Variants in WDR41 observed in about 807,000 individuals in gnomAD.
The protein encoded by WDR41 is WD repeat domain 41.
In WDR41, 63 loss-of-function variants were observed where a neutral mutation model predicts 69.3. The observed-to-expected ratio is 0.91, with a 90% CI of 0.74 to 1.12. WDR41 has a LOEUF of 1.12. Ranked by LOEUF, WDR41 falls within the 50% of genes most tolerant of loss-of-function variation. The pLI, the probability that WDR41 is intolerant of heterozygous loss-of-function variation, is 0.00. For synonymous variants in WDR41, 185 were observed against 192.1 expected (o/e 0.96, Z 0.31); for missense variants, 543 against 534.5 (o/e 1.02, Z -0.16).
intron 1 of WDR41, among the ~76,000 whole-genome samples, chr5:77,555,758 A>T (rs1743378455): frequency 1.3e-5 from 2 of 152,248 alleles, no homozygotes; most frequent in South Asian, 4.1e-4. Flanking sequence ...TAAATGAAGT[A>T]TAAATCTTAT....
At chr5:77,497,941 A>G (rs1272699414) in intron 1 of WDR41, among the ~76,000 whole-genome samples, 6 of 152,254 alleles carry the variant, frequency 3.9e-5, no homozygotes, top group African/African-American at 1.4e-4. Flanking sequence ...AATATATTCT[A>G]CAACATAGAT....
At chr5:77,488,560 C>A (rs1213715352) in intron 2 of WDR41, among the ~76,000 whole-genome samples, 4 of 144,520 alleles carry the variant, frequency 2.8e-5, no homozygotes, top group Non-Finnish European at 6.1e-5. Context: ...TGAAAAAAAA[C>A]AGCAAAGGCA....
chr5:77,562,344 T>C (rs1433924218), intron 1 of WDR41, among the ~76,000 whole-genome samples: 2 of 152,206 alleles, frequency 1.3e-5, no homozygotes, highest in East Asian at 3.9e-4. Flanking sequence ...ATACAAAGTT[T>C]TAAAACCTGC....
intron 1 of WDR41, among the ~76,000 whole-genome samples, chr5:77,580,789 A>T (rs975534196): frequency 3.0e-4 from 46 of 151,942 alleles, no homozygotes; most frequent in Admixed American, 1.7e-3. Context: ...CCTCATCTCT[A>T]CTAAAAATAC....
At chr5:77,572,695 C>T (rs903752291) in intron 1 of WDR41, among the ~76,000 whole-genome samples, 1 of 152,222 alleles carries the variant, frequency 6.6e-6, no homozygotes. Flanking sequence ...ACCTTCCCCA[C>T]TATAGTGAAA....
intron 1 of WDR41, among the ~76,000 whole-genome samples, chr5:77,553,193 A>G (rs1743330563): frequency 1.3e-5 from 2 of 152,228 alleles, no homozygotes; most frequent in South Asian, 4.1e-4. Context: ...GGTAATTTAT[A>G]AAGAACAGAC....
chr5:77,613,092 G>A (rs1189776376), intron 1 of WDR41, among the ~76,000 whole-genome samples: 3 of 151,320 alleles, frequency 2.0e-5, no homozygotes, highest in East Asian at 1.9e-4. Flanking sequence ...TACAAGGGAC[G>A]TGAAGGACCT....
chr5:77,445,476 G>T (rs1799345823), intron 8 of WDR41, among the ~76,000 whole-genome samples: 1 of 152,078 alleles, frequency 6.6e-6, no homozygotes, highest in Non-Finnish European at 1.5e-5. Context: ...ACAAAAAAAA[G>T]AAAACTTCAG....
intron 1 of WDR41, among the ~76,000 whole-genome samples, chr5:77,547,881 T>G (rs1429967839): frequency 6.6e-6 from 1 of 152,122 alleles, no homozygotes; most frequent in East Asian, 1.9e-4. Flanking sequence ...GATTTCAAAC[T>G]ATACTATAAG....
chr5:77,512,351 A>AGAGAGAGAGAGAGAGAGAGAGT (rs1561211233), intron 1 of WDR41, among the ~76,000 whole-genome samples: 2 of 120,242 alleles, frequency 1.7e-5, no homozygotes, highest in Admixed American at 8.8e-5. Flanking sequence ...AGAGAGAGAG[A>AGAGAGAGAGAGAGAGAGAGAGT]GTGAGTGTGT....
chr5:77,567,663 T>TAAAAAAAA (rs60723638), intron 1 of WDR41, among the ~76,000 whole-genome samples: 4 of 106,370 alleles, frequency 3.8e-5, no homozygotes, highest in East Asian at 2.5e-4. Flanking sequence ...AACCAAATAG[T>TAAAAAAAA]AAAAAAAAAA....
intron 1 of WDR41, among the ~76,000 whole-genome samples, chr5:77,529,199 CAA>C (rs907713810): frequency 6.6e-6 from 1 of 151,368 alleles, no homozygotes; most frequent in Non-Finnish European, 1.5e-5. Context: ...TTGCTGACTA[CAA>C]AGTCAATAAA....
rs573504785 is a variant in WDR41, at chr5:77,569,467, T to A, written c.42+51012A>T. Among the ~76,000 whole-genome samples, 13 of 152,294 alleles carry A rather than the reference T, an allele frequency of 8.5e-5. No individual in the cohort carries two copies. The Middle Eastern group carries it at 0.01, about 120-fold the overall frequency. ...TCATTTATGAGAAAAATATACCGTA[T>A]GCCTATCAACCACCCAGAGCTCTCA... is the stretch of plus-strand genomic sequence containing the variant. On this transcript the variant is annotated intron_variant, in intron 1 of 5. Coordinates refer to the WDR41 transcript ENST00000509971.
At chr5:77,478,312 C>T (rs1372780853) in intron 2 of WDR41, among the ~76,000 whole-genome samples, 1 of 152,154 alleles carries the variant, frequency 6.6e-6, no homozygotes, top group African/African-American at 2.4e-5. Context: ...GGAATCCTCC[C>T]TAACTCATTT....
chr5:77,602,778 A>G (rs1744348173), intron 1 of WDR41, among the ~76,000 whole-genome samples: 1 of 152,036 alleles, frequency 6.6e-6, no homozygotes, highest in South Asian at 2.1e-4. Context: ...CAGTAGTAGA[A>G]TTTCTGGATT....
chr5:77,555,077 A>T (rs796112997), intron 1 of WDR41, among the ~76,000 whole-genome samples: 2 of 148,772 alleles, frequency 1.3e-5, no homozygotes, highest in South Asian at 2.2e-4. Flanking sequence ...AGACAACAAG[A>T]CCCTGTTTCA....
Position 77,433,088 on chromosome 5 carries a change from A to T in WDR41, c.*47T>A, listed in dbSNP as rs766422726. 1.9e-6 allele frequency: 3 copies of T among 1,548,090 alleles called. No individual in the cohort carries two copies. The South Asian group carries it at 3.8e-5, about 19-fold the overall frequency. ...TTAATGGTTTTCAGAGTAGTACCCG[A>T]TATTTGATGTTCAAGGTTCATGCAT... is the stretch of plus-strand genomic sequence containing the variant. On this transcript the variant is annotated 3_prime_UTR_variant, in exon 13 of 13. Transcript: ENST00000296679.
chr5:77,616,360 T>C (rs999289667), intron 1 of WDR41, among the ~76,000 whole-genome samples: 9 of 152,214 alleles, frequency 5.9e-5, no homozygotes, highest in Non-Finnish European at 8.8e-5. Flanking sequence ...CAGATTTCCA[T>C]GCACATCTGC....
Position 77,582,799 on chromosome 5 carries a change from TG to T in WDR41, c.42+37679del, listed in dbSNP as rs1743963810. On this transcript the variant is annotated intron_variant, in intron 1 of 5. Transcript: ENST00000509971. ...GAGGATTGTAGAGCCATATATAGCATGGGGGTACCCCAATCTGAAGTCAGTA... is the reference window on the plus strand; with the variant it reads ...GAGGATTGTAGAGCCATATATAGCATGGGGTACCCCAATCTGAAGTCAGTA... 16 of 1,601,258 alleles carry T rather than the reference TG, an allele frequency of 1.0e-5. No individual in the cohort carries two copies. In the Admixed American group the frequency reaches 2.7e-4, roughly 27 times the overall value.
Sources: allele counts gnomAD v4.1 joint callset (sites outside exome capture counted in the v4.1 genomes callset), GRCh38; gene constraint gnomAD v4.1.1; transcripts MANE v1.5; gene names NCBI Gene and HGNC (gene_info 2026-07-23, HGNC 2026-07-21).